The following MFSD11 variants were observed in gnomAD, a reference collection of about 807,000 sequenced individuals.
MFSD11 encodes major facilitator superfamily domain containing 11, also known as UNC93-like protein MFSD11.
A neutral mutation model predicts 53.5 loss-of-function variants in MFSD11; 36 were observed. That is an observed-to-expected ratio of 0.67 (90% CI 0.52 to 0.89). The LOEUF is 0.89. MFSD11 is among the 40% of genes least tolerant of loss of function. The pLI is 0.00. For missense variants in MFSD11, 530 were observed against 543.9 expected, an observed-to-expected ratio of 0.97 and a Z score of 0.25; for synonymous variants, 186 against 184.9, an observed-to-expected ratio of 1.01 and a Z score of -0.05.
intron 8 of MFSD11, among the ~76,000 whole-genome samples, chr17:76,760,980 C>G (rs138032203): frequency 2.0e-5 from 3 of 151,852 alleles, no homozygotes; most frequent in Non-Finnish European, 4.4e-5. Context: ...CCGAGGTGGG[C>G]GGATCATGAG....
chr17:76,745,656 G>A (rs566940774), intron 7 of MFSD11, among the ~76,000 whole-genome samples: 1 of 152,288 alleles, frequency 6.6e-6, no homozygotes, highest in African/African-American at 2.4e-5. Flanking sequence ...TAAATGTTGT[G>A]TGTGTTCTGA....
chr17:76,794,378 G>T, the MFSD11 span, among the ~76,000 whole-genome samples: 1 of 150,800 alleles, frequency 6.6e-6, no homozygotes, highest in East Asian at 1.9e-4. Context: ...TCAGAAGACT[G>T]AGGCAGGAGA....
rs184277626 is a variant in MFSD11 at position 76,774,401 on chromosome 17, T to G, written c.875-596T>G. On this transcript the variant is annotated intron_variant, in intron 10 of 12. Transcript: ENST00000685175. ...CCTGCACCCAGCCATCCTTCACTTT[T>G]GATATATAGGTTTGCTGGTATCGAT... Among the ~76,000 whole-genome samples, 62 of 152,316 alleles carry G rather than the reference T, an allele frequency of 4.1e-4. No homozygotes were observed. In the East Asian group the frequency reaches 9.8e-3, roughly 24 times the overall value.
At chr17:76,745,613 A>C (rs1370058113) in intron 7 of MFSD11, among the ~76,000 whole-genome samples, 6 of 152,138 alleles carry the variant, frequency 3.9e-5, no homozygotes, top group African/African-American at 1.4e-4. Flanking sequence ...GGCACCACAA[A>C]CCAGATCCAT....
chr17:76,773,128 A>T (rs552412042), intron 10 of MFSD11: 1 of 152,130 alleles, frequency 6.6e-6, no homozygotes, highest in Non-Finnish European at 1.5e-5. Flanking sequence ...TCAGCTGAAG[A>T]CTCAGGGGGA....
intron 8 of MFSD11, among the ~76,000 whole-genome samples, chr17:76,761,985 G>A (rs1406497795): frequency 1.3e-5 from 2 of 151,472 alleles, no homozygotes; most frequent in Admixed American, 1.3e-4. Flanking sequence ...AGAATCCATT[G>A]CAAAGTCAGT....
intron 8 of MFSD11, among the ~76,000 whole-genome samples, chr17:76,759,939 T>C (rs112747933): frequency 2.1e-3 from 317 of 151,722 alleles, no homozygotes; most frequent in Admixed American, 2.5e-3. Flanking sequence ...TGTAGACTTA[T>C]AATAAAGTCA....
chr17:76,754,683 CAA>C (rs10667934), intron 8 of MFSD11, among the ~76,000 whole-genome samples: 6 of 119,382 alleles, frequency 5.0e-5, no homozygotes, highest in Admixed American at 9.0e-5. Context: ...GACTCCATCT[CAA>C]AAAAAAAAAA....
At chr17:76,788,410 A>G in the MFSD11 span, among the ~76,000 whole-genome samples, 2 of 148,112 alleles carry the variant, frequency 1.4e-5, no homozygotes, top group South Asian at 2.3e-4. Flanking sequence ...GTGTTATCCA[A>G]GCTGGAGTGC....
intron 8 of MFSD11, among the ~76,000 whole-genome samples, chr17:76,762,027 T>G (rs1450361542): frequency 2.6e-5 from 4 of 151,880 alleles, no homozygotes; most frequent in Non-Finnish European, 4.4e-5. Context: ...CGTGTAACCA[T>G]CACTTTACTC....
At chr17:76,744,594 G>A in intron 7 of MFSD11, 128 bp downstream of exon 7, 5 of 813,468 alleles carry the variant, frequency 6.1e-6, no homozygotes, top group Admixed American at 3.3e-5. Context: ...GGCAAGAAAA[G>A]GAAGAAAATA....
intron 8 of MFSD11, among the ~76,000 whole-genome samples, chr17:76,757,341 C>T (rs918134556): frequency 1.1e-4 from 16 of 152,028 alleles, no homozygotes; most frequent in Admixed American, 9.2e-4. Context: ...AGGTATGGCA[C>T]GTAGGGTGCT....
chr17:76,786,354 A>G (rs1434087346), downstream of MFSD11, among the ~76,000 whole-genome samples: 1 of 152,040 alleles, frequency 6.6e-6, no homozygotes, highest in African/African-American at 2.4e-5. Context: ...CATGTTGGCC[A>G]GGCTGGTCTC....
chr17:76,754,437 C>T (rs1007778084), intron 8 of MFSD11, among the ~76,000 whole-genome samples: 3 of 152,108 alleles, frequency 2.0e-5, no homozygotes, highest in South Asian at 2.1e-4. Flanking sequence ...AATCTCAGCA[C>T]TTTGGGAGTC....
chr17:76,798,243 A>G, the MFSD11 span, among the ~76,000 whole-genome samples: 1 of 152,132 alleles, frequency 6.6e-6, no homozygotes, highest in Non-Finnish European at 1.5e-5. Flanking sequence ...CAACTCAAGA[A>G]GAGCCAAATG....
the MFSD11 span, among the ~76,000 whole-genome samples, chr17:76,798,591 G>A: frequency 6.6e-6 from 1 of 152,054 alleles, no homozygotes; most frequent in Non-Finnish European, 1.5e-5. Context: ...GAAATTCCAA[G>A]GCTTGTAGGA....
chr17:76,782,540 G>A (rs559504006), downstream of MFSD11, among the ~76,000 whole-genome samples: 78 of 136,142 alleles, frequency 5.7e-4, no homozygotes, highest in Non-Finnish European at 1.0e-3. Flanking sequence ...ATGCAGTGGC[G>A]CAATCTCGGC....
chr17:76,793,449 C>T, the MFSD11 span, among the ~76,000 whole-genome samples: 5 of 151,516 alleles, frequency 3.3e-5, no homozygotes, highest in Admixed American at 3.3e-4. Context: ...TTAAGGTTAT[C>T]TGTCTTGTTC....
chr17:76,748,626 C>T (rs574530748), intron 7 of MFSD11, among the ~76,000 whole-genome samples: 1 of 151,976 alleles, frequency 6.6e-6, no homozygotes, highest in Admixed American at 6.6e-5. Context: ...TTCAAGGTTG[C>T]AGTGAGCTGT....
Sources: gnomAD v4.1 joint callset for allele counts (sites outside exome capture counted in the v4.1 genomes callset) on GRCh38, gnomAD v4.1.1 for gene constraint, MANE v1.5 for transcripts, NCBI Gene and HGNC (gene_info 2026-07-23, HGNC 2026-07-21) for gene names.